TCTN2: variants seen among roughly 807,000 people sequenced by gnomAD.
The protein encoded by TCTN2 is tectonic-2.
TCTN2 carries 66 observed loss-of-function variants against 83.4 expected under a neutral mutation model. That is an observed-to-expected ratio of 0.79 (90% CI 0.65 to 0.97). TCTN2 has a LOEUF of 0.97. TCTN2 is among the 50% of genes least tolerant of loss of function. TCTN2 has a pLI of 0.00. For missense variants in TCTN2, 794 were observed against 858.1 expected (o/e 0.93, Z 0.93); for synonymous variants, 301 against 326.7 (o/e 0.92, Z 0.85).
At chr12:123,705,452 C>T (rs1203788163) in intron 15 of TCTN2, among the ~76,000 whole-genome samples, 4 of 152,002 alleles carry the variant, frequency 2.6e-5, no homozygotes, top group African/African-American at 4.8e-5. Flanking sequence ...TGAGCCACCG[C>T]GCCCAGCCTG....
chr12:123,676,144 G>C (rs752200371), intron 4 of TCTN2, among the ~76,000 whole-genome samples: 1 of 152,160 alleles, frequency 6.6e-6, no homozygotes, highest in Non-Finnish European at 1.5e-5. Context: ...GCTGTGCGTG[G>C]TAGTCGGTGC....
At chr12:123,685,809 T>G (rs960727880) in intron 5 of TCTN2, among the ~76,000 whole-genome samples, 2 of 145,494 alleles carry the variant, frequency 1.4e-5, no homozygotes, top group African/African-American at 5.1e-5. Flanking sequence ...CACTGCAGCC[T>G]CAGCCTCCTG....
intron 8 of TCTN2, among the ~76,000 whole-genome samples, chr12:123,692,228 A>G (rs1034996559): frequency 2.0e-5 from 3 of 151,902 alleles, no homozygotes; most frequent in African/African-American, 7.3e-5. Flanking sequence ...TTGTATTTTT[A>G]GTAGAGAGGA....
chr12:123,697,881 G>A (rs1956129042), intron 13 of TCTN2, among the ~76,000 whole-genome samples: 1 of 145,882 alleles, frequency 6.9e-6, no homozygotes, highest in East Asian at 2.0e-4. Flanking sequence ...TTTTTTTTGA[G>A]ACAGGGTCTC....
intron 7 of TCTN2, among the ~76,000 whole-genome samples, chr12:123,689,898 T>C (rs774344291): frequency 4.1e-4 from 62 of 152,186 alleles, no homozygotes; most frequent in Non-Finnish European, 7.9e-4. Flanking sequence ...TCTCATGGGC[T>C]CAAGCAATCC....
chr12:123,679,774 C>G (rs1294927668), intron 5 of TCTN2, among the ~76,000 whole-genome samples: 2 of 130,188 alleles, frequency 1.5e-5, no homozygotes, highest in African/African-American at 2.9e-5. Context: ...GAGTCTCGCT[C>G]TGTCGCCCAG....
chr12:123,695,525 G>A, intron 11 of TCTN2: 1 of 388,038 alleles, frequency 2.6e-6, no homozygotes, highest in Non-Finnish European at 4.7e-6. Context: ...GGGTTCAAGA[G>A]ATTTTCTTGC....
At chr12:123,691,227 G>A (rs999395549) in intron 8 of TCTN2, among the ~76,000 whole-genome samples, 4 of 152,040 alleles carry the variant, frequency 2.6e-5, no homozygotes, top group African/African-American at 9.7e-5. Flanking sequence ...ACACTGTTGT[G>A]CCACCATCAC....
chr12:123,671,118 T>TC lies in TCTN2; in HGVS notation c.-121dup. ...GCCGCCGATTGGTGGTTGCCATAGC[T>TC]CCGGGCGTTCGCTTGCAAGATGGCG... is the stretch of plus-strand genomic sequence containing the variant. On this transcript the variant is annotated 5_prime_UTR_variant, in exon 1 of 18. Transcript: ENST00000303372. 2 of 958,366 alleles carry TC rather than the reference T, an allele frequency of 2.1e-6. No homozygotes were observed. Among genetic ancestry groups the TC allele is most frequent in the Non-Finnish European group, 3.2e-6 (2 of 619,664 alleles). The allele number at this position is 958,366 out of a possible 1,614,324, so 59.4% of individuals were successfully genotyped here. A position where few individuals can be genotyped will look rare whatever the true frequency, so the allele number is the denominator to read the frequency against.
At position 123,699,155 on chromosome 12, in the gene TCTN2, A is replaced by ATT. The variant is rs11438271; in HGVS notation, c.1506-534_1506-533dup. 1.1e-3 allele frequency among the ~76,000 whole-genome samples: 150 copies of ATT among 141,830 alleles called. 1 individual carries two copies. The Middle Eastern group carries it at 0.011, about 11-fold the overall frequency. 93.0% of individuals were successfully genotyped at this position (141,830 alleles called of 152,430 possible). On this transcript the variant is annotated intron_variant, in intron 13 of 17. Coordinates refer to ENST00000303372, the MANE Select transcript of TCTN2 (RefSeq NM_024809.5). ...GTGATTCCCAACTTAAGTTACTAAC[A>ATT]TTTTTTTTTTTTTTTTGAGACAGGA...
chr12:123,699,912 G>A (rs1463888390), intron 14 of TCTN2, 102 bp downstream of exon 14: 3 of 907,108 alleles, frequency 3.3e-6, no homozygotes, highest in Non-Finnish European at 5.5e-6. Context: ...TCTTCCTGAG[G>A]CTTGACTGCG....
intron 5 of TCTN2, among the ~76,000 whole-genome samples, chr12:123,685,037 G>C (rs571961294): frequency 6.8e-6 from 1 of 148,050 alleles, no homozygotes; most frequent in Non-Finnish European, 1.5e-5. Context: ...GTGACAGAGC[G>C]AGACTCCATC....
rs768699111 is a variant in TCTN2, at chr12:123,707,624, G to A, written c.2005G>A (p.Val669Ile). Residue 669 changes from valine (V) to isoleucine (I), a missense_variant, in exon 18 of 18, where the codon GTT becomes ATT. Transcript: ENST00000303372. ...YYQGELHSQCVAKGLLLLLFL... is the reference protein window; with the variant it reads ...YYQGELHSQCIAKGLLLLLFL... ...TTCAGGGGAGCTGCATTCTCAGTGT[G>A]TTGCTAAGGGCTTACTGTTGCTGTT... 5 of 1,614,036 alleles carry A rather than the reference G, an allele frequency of 3.1e-6. No homozygotes were observed. In the South Asian group the frequency reaches 4.4e-5, roughly 14 times the overall value.
chr12:123,691,738 G>GTTT lies in TCTN2; in HGVS notation c.1034-920_1034-919insTTT, dbSNP rs200937264. Among the ~76,000 whole-genome samples, 6 of 147,918 alleles carry GTTT rather than the reference G, an allele frequency of 4.1e-5. 1 individual carries two copies. Among genetic ancestry groups the GTTT allele is most frequent in the Non-Finnish European group, 3.0e-5 (2 of 67,250 alleles). On this transcript the variant is annotated intron_variant, in intron 8 of 17. Transcript: ENST00000303372. ...CAAATTGTTTTTTTTTTGTTTTTTT[G>GTTT]GTTTTTTTTTTGAGAGGGAGTCTTG...
chr12:123,695,066 C>T, intron 10 of TCTN2, 90 bp downstream of exon 10: 1 of 1,548,464 alleles, frequency 6.5e-7, no homozygotes, highest in Non-Finnish European at 8.8e-7. Flanking sequence ...ACCCATAAAA[C>T]TAAGTTGGAC....
At chr12:123,675,133 T>C (rs777356970) in intron 4 of TCTN2, among the ~76,000 whole-genome samples, 3 of 152,096 alleles carry the variant, frequency 2.0e-5, no homozygotes, top group Non-Finnish European at 4.4e-5. Flanking sequence ...CCACCATGGC[T>C]TCCTGAAGTA....
In TCTN2 at chr12:123,683,154, C is replaced by G. The variant is rs1005822450; in HGVS notation, c.565-3682C>G. On this transcript the variant is annotated intron_variant, in intron 5 of 17. Coordinates refer to ENST00000303372, the MANE Select transcript of TCTN2 (RefSeq NM_024809.5). ...GGGAGAATCACTTGAACCCAGGAGG[C>G]AGAGGTTGCAGTGAGCCAAGATCGT... Among the ~76,000 whole-genome samples, 4 of 151,732 alleles carry G rather than the reference C, an allele frequency of 2.6e-5. No individual in the cohort carries two copies. The South Asian group carries it at 8.4e-4, about 32-fold the overall frequency.
rs137983174 is a variant in TCTN2 at position 123,704,711 on chromosome 12, C to T, written c.1769+23C>T. On this transcript the variant is annotated intron_variant, in intron 15 of 17. Coordinates refer to ENST00000303372, the MANE Select transcript of TCTN2 (RefSeq NM_024809.5). ...AAGGTATGATCACATCTTGGATCAC[C>T]GTAGTTTAGAGAGAGTCAGGAAAGT... The T allele has an allele frequency of 9.4e-4, 1,512 of 1,612,476 alleles. 10 individuals carry two copies. In the African/African-American group the frequency reaches 0.016, roughly 18 times the overall value.
At position 123,688,157 on chromosome 12, in the gene TCTN2, G is replaced by A. The variant is rs2135836371; in HGVS notation, c.871G>A (p.Ala291Thr). 6.2e-7 allele frequency: 1 copy of A among 1,613,346 alleles called. No homozygotes were observed. ...QGDPIMTVKK[A>T]YFTIPQVSLA... The stretch of plus-strand genomic sequence containing the variant: ...AGATCCCATTATGACTGTAAAGAAG[G>A]CATATTTTACTATTCCGCAGGTAAT... Residue 291 changes from alanine (A) to threonine (T), a missense_variant, in exon 7 of 18, where the codon GCA becomes ACA. Physicochemically the swap from Ala to Thr is moderately conservative, Grantham distance 58. Transcript: ENST00000303372.
Sources: allele counts gnomAD v4.1 joint callset (sites outside exome capture counted in the v4.1 genomes callset), GRCh38; gene constraint gnomAD v4.1.1; transcripts MANE v1.5; gene names NCBI Gene and HGNC (gene_info 2026-07-23, HGNC 2026-07-21).